CEP112: variants seen among roughly 807,000 people sequenced by gnomAD.
CEP112 encodes centrosomal protein of 112 kDa.
Under a neutral mutation model 153.0 loss-of-function variants are expected in CEP112, and 127 were observed. The ratio of observed to expected loss-of-function variants is 0.83; its 90% CI spans 0.72 to 0.96. The LOEUF (loss-of-function observed/expected upper bound fraction) is 0.96, where lower values mean the gene tolerates loss of function less well. CEP112 is among the 40% of genes least tolerant of loss of function. The probability of loss-of-function intolerance (pLI) is 0.00; values close to 1 mark genes in which losing one functional copy is unlikely to be tolerated. For synonymous variants in CEP112, 358 were observed against 374.4 expected (o/e 0.96, Z 0.51); for missense variants, 1,089 against 1,101.2 (o/e 0.99, Z 0.16).
At chr17:65,907,392 C>T (rs1443849144) in intron 19 of CEP112, among the ~76,000 whole-genome samples, 2 of 152,114 alleles carry the variant, frequency 1.3e-5, no homozygotes, top group Non-Finnish European at 2.9e-5. Flanking sequence ...TGATATTTTG[C>T]CAGGGCCTAT....
At chr17:65,722,250 C>T (rs1418067672) in intron 23 of CEP112, among the ~76,000 whole-genome samples, 1 of 151,332 alleles carries the variant, frequency 6.6e-6, no homozygotes, top group Non-Finnish European at 1.5e-5. Flanking sequence ...AATTTTCTTT[C>T]TTTCTTTCTG....
chr17:65,659,210 G>A (rs2046223902), intron 24 of CEP112, among the ~76,000 whole-genome samples: 1 of 151,984 alleles, frequency 6.6e-6, no homozygotes, highest in African/African-American at 2.4e-5. Flanking sequence ...CTATTTTAAA[G>A]CAAAACTTAA....
At chr17:65,654,056 CAAAAAAAAAA>C (rs773433478) in intron 24 of CEP112, among the ~76,000 whole-genome samples, 62 of 26,872 alleles carry the variant, frequency 2.3e-3, no homozygotes, top group Non-Finnish European at 4.2e-3. Flanking sequence ...AAGACTCCAT[CAAAAAAAAAA>C]AAAAAAAAAA....
At chr17:65,663,614 G>A (rs752778714) in intron 24 of CEP112, among the ~76,000 whole-genome samples, 24 of 152,168 alleles carry the variant, frequency 1.6e-4, no homozygotes, top group Non-Finnish European at 2.9e-4. Context: ...AACCCAGCCT[G>A]CAACCCAGCA....
rs1434767407 is a variant in CEP112 at position 66,191,202 on chromosome 17, C to G, written c.-9+795G>C. Among the ~76,000 whole-genome samples the G allele has an allele frequency of 6.6e-6, 1 of 152,158 alleles. No homozygotes were observed. Among genetic ancestry groups the G allele is most frequent in the Non-Finnish European group, 1.5e-5 (1 of 68,036 alleles). On this transcript the variant is annotated intron_variant, in intron 1 of 26. Coordinates refer to ENST00000535342, the MANE Select transcript of CEP112 (RefSeq NM_001199165.4). This position sits in a 1 kb window ranked among gnomAD's most constrained non-coding sequence, Gnocchi z 4.2. ...TGAGGTGAAGTCACTGACCTAGGTT[C>G]TTAGTGGACAGTGACAGCTGGGCCT...
At chr17:65,914,929 G>A (rs1051452165) in intron 19 of CEP112, among the ~76,000 whole-genome samples, 11 of 152,116 alleles carry the variant, frequency 7.2e-5, no homozygotes, top group African/African-American at 2.7e-4. Flanking sequence ...GTCTTGTTGA[G>A]GTGGCTAAAG....
rs530763226 is a variant in CEP112, at chr17:65,835,984, C to T, written c.2394+15820G>A. Among the ~76,000 whole-genome samples, 4 of 152,274 alleles carry T rather than the reference C, an allele frequency of 2.6e-5. No individual in the cohort carries two copies. In the East Asian group the frequency reaches 7.7e-4, roughly 29 times the overall value. On this transcript the variant is annotated intron_variant, in intron 21 of 26. Coordinates refer to ENST00000535342, the MANE Select transcript of CEP112 (RefSeq NM_001199165.4). Reference sequence around the variant, plus strand: ...AGTCAAAAATGTGGTGAAGGGGATGCTGTTAAAGTGCAGTTTTTTTCTTAT... The same window carrying T: ...AGTCAAAAATGTGGTGAAGGGGATGTTGTTAAAGTGCAGTTTTTTTCTTAT...
intron 21 of CEP112, among the ~76,000 whole-genome samples, chr17:65,798,033 G>A (rs72831437): frequency 0.065 from 9,923 of 152,100 alleles, 463 homozygotes; most frequent in Non-Finnish European, 0.1. Flanking sequence ...GGAGATGACT[G>A]GGTGGTATAT....
intron 16 of CEP112, among the ~76,000 whole-genome samples, chr17:66,012,652 T>C (rs1459359657): frequency 6.6e-6 from 1 of 152,160 alleles, no homozygotes; most frequent in Admixed American, 6.5e-5. Context: ...TCTCTAGCTG[T>C]CTTTAATATT....
chr17:66,156,131 G>A (rs930623720), intron 4 of CEP112, among the ~76,000 whole-genome samples: 2 of 152,154 alleles, frequency 1.3e-5, no homozygotes, highest in African/African-American at 4.8e-5. Context: ...TCATACAGGA[G>A]AGCTCCGGCT....
intron 20 of CEP112, among the ~76,000 whole-genome samples, chr17:65,880,624 T>C (rs1293354355): frequency 6.6e-6 from 1 of 152,160 alleles, no homozygotes; most frequent in African/African-American, 2.4e-5. Context: ...GCTTTCTGAG[T>C]TCCTTGTCTG....
chr17:66,078,268 T>TC (rs2067583229), intron 8 of CEP112, among the ~76,000 whole-genome samples: 1 of 143,180 alleles, frequency 7.0e-6, no homozygotes, highest in African/African-American at 2.5e-5. Context: ...TTTTTCTTTT[T>TC]TTTTTTTTTG....
At chr17:65,826,429 G>T in intron 21 of CEP112, 1 of 1,561,018 alleles carries the variant, frequency 6.4e-7, no homozygotes. Flanking sequence ...AAGGTGACTT[G>T]GGCCCAGAGG....
chr17:65,685,667 A>ATTTTTTTTTTTTT (rs556118592), intron 24 of CEP112, among the ~76,000 whole-genome samples: 1 of 105,320 alleles, frequency 9.5e-6, no homozygotes, highest in Non-Finnish European at 1.8e-5. Flanking sequence ...AATAGTTCTA[A>ATTTTTTTTTTTTT]TTTTTTTTTT....
intron 4 of CEP112, among the ~76,000 whole-genome samples, chr17:66,170,785 G>C (rs1175708086): frequency 6.6e-6 from 1 of 151,660 alleles, no homozygotes; most frequent in Non-Finnish European, 1.5e-5. Context: ...AAAAGAAAAA[G>C]AAAATAGGCA....
chr17:65,920,362 A>AAAAT (rs1555713324), intron 19 of CEP112, among the ~76,000 whole-genome samples: 2 of 42,784 alleles, frequency 4.7e-5, no homozygotes, highest in Non-Finnish European at 9.1e-5. Context: ...AAACAAACAA[A>AAAAT]ATATATATAT....
intron 6 of CEP112, among the ~76,000 whole-genome samples, chr17:66,099,349 C>T (rs1384086492): frequency 6.6e-6 from 1 of 151,788 alleles, no homozygotes; most frequent in African/African-American, 2.4e-5. Flanking sequence ...ACTAAAAATA[C>T]AAAAATTGGC....
At chr17:65,908,005 G>A (rs2060145381) in intron 19 of CEP112, among the ~76,000 whole-genome samples, 1 of 152,152 alleles carries the variant, frequency 6.6e-6, no homozygotes, top group Non-Finnish European at 1.5e-5. Context: ...AATATTAAAT[G>A]GTTAATAAGC....
intron 12 of CEP112, among the ~76,000 whole-genome samples, chr17:66,038,832 C>A (rs1212889339): frequency 6.6e-6 from 1 of 152,090 alleles, no homozygotes; most frequent in Non-Finnish European, 1.5e-5. Flanking sequence ...ACTAGGAACT[C>A]AGATTCTTAA....
Sources: allele counts gnomAD v4.1 joint callset (sites outside exome capture counted in the v4.1 genomes callset), GRCh38; gene constraint gnomAD v4.1.1; non-coding constraint Gnocchi (gnomAD v3.1); transcripts MANE v1.5; gene names NCBI Gene and HGNC (gene_info 2026-07-23, HGNC 2026-07-21).